The following DLGAP1 variants were observed in gnomAD, a reference collection of about 807,000 sequenced individuals.
DLGAP1 encodes disks large-associated protein 1.
In DLGAP1, 11 loss-of-function variants were observed where a neutral mutation model predicts 90.8. The observed-to-expected ratio is 0.12, with a 90% CI of 0.08 to 0.20. The LOEUF is 0.20. Among genes scored for constraint, DLGAP1 ranks in the 10% least tolerant of loss-of-function variants. The pLI, the probability that DLGAP1 is intolerant of heterozygous loss-of-function variation, is 1.00. For missense variants in DLGAP1, 1,050 were observed against 1,333.8 expected, an observed-to-expected ratio of 0.79 and a Z score of 3.31; for synonymous variants, 558 against 540.7, an observed-to-expected ratio of 1.03 and a Z score of -0.44.
intron 7 of DLGAP1, among the ~76,000 whole-genome samples, chr18:3,659,634 C>T (rs1172046600): frequency 6.6e-6 from 1 of 151,494 alleles, no homozygotes; most frequent in Non-Finnish European, 1.5e-5. Flanking sequence ...GGTGCAATCT[C>T]GGCTCACTGC....
chr18:4,410,677 TC>T, intron 1 of DLGAP1, among the ~76,000 whole-genome samples: 1 of 110,052 alleles, frequency 9.1e-6, no homozygotes, highest in Middle Eastern at 4.9e-3. Context: ...GACATACAAT[TC>T]CCCCCAAATA....
intron 7 of DLGAP1, among the ~76,000 whole-genome samples, chr18:3,706,767 C>A (rs1191185152): frequency 2.0e-5 from 3 of 151,664 alleles, no homozygotes; most frequent in African/African-American, 7.3e-5. Flanking sequence ...GCGACTCCAG[C>A]CAGAAGGGTA....
At chr18:4,203,811 C>T (rs1213842206) in intron 1 of DLGAP1, among the ~76,000 whole-genome samples, 1 of 152,186 alleles carries the variant, frequency 6.6e-6, no homozygotes, top group East Asian at 1.9e-4. Context: ...AATTACAGCA[C>T]AACTCAGTAA....
chr18:3,634,499 T>C (rs1343844959), intron 7 of DLGAP1, among the ~76,000 whole-genome samples: 1 of 152,212 alleles, frequency 6.6e-6, no homozygotes, highest in Non-Finnish European at 1.5e-5. Context: ...TTTGATTCTC[T>C]TCTTCAAGTT....
intron 1 of DLGAP1, among the ~76,000 whole-genome samples, chr18:4,427,092 A>T (rs897605732): frequency 2.0e-5 from 3 of 152,202 alleles, no homozygotes; most frequent in Non-Finnish European, 4.4e-5. Flanking sequence ...ACTAAGAAAG[A>T]AAACTTTCAG....
At chr18:3,970,152 T>C (rs1221733513) in intron 3 of DLGAP1, among the ~76,000 whole-genome samples, 1 of 152,246 alleles carries the variant, frequency 6.6e-6, no homozygotes, top group Non-Finnish European at 1.5e-5. Flanking sequence ...TTGACTACCA[T>C]TGTACTCCTG....
intron 1 of DLGAP1, among the ~76,000 whole-genome samples, chr18:4,303,059 G>T (rs911413892): frequency 1.3e-5 from 2 of 152,060 alleles, no homozygotes; most frequent in Non-Finnish European, 2.9e-5. Flanking sequence ...ACTTAAGCTG[G>T]AACTTTCCCT....
chr18:4,445,602 C>T (rs1026087298), intron 1 of DLGAP1, among the ~76,000 whole-genome samples: 5 of 151,982 alleles, frequency 3.3e-5, no homozygotes, highest in African/African-American at 1.2e-4. Context: ...CCAATTTCAT[C>T]CATGCCAATC....
At chr18:3,746,983 C>T (rs543186538) in intron 5 of DLGAP1, among the ~76,000 whole-genome samples, 2 of 152,264 alleles carry the variant, frequency 1.3e-5, no homozygotes, top group Non-Finnish European at 2.9e-5. Context: ...TTTGCAGCTG[C>T]ACTGAGGGAG....
chr18:4,014,075 C>T (rs2074477624), intron 2 of DLGAP1: 1 of 143,918 alleles, frequency 6.9e-6, no homozygotes, highest in African/African-American at 2.6e-5. Flanking sequence ...TTGGAAGATA[C>T]TTAGCCCACT....
chr18:3,579,595 G>A (rs1178475559), intron 8 of DLGAP1, among the ~76,000 whole-genome samples: 1 of 152,152 alleles, frequency 6.6e-6, no homozygotes, highest in Non-Finnish European at 1.5e-5. Context: ...TATTCAAAGG[G>A]TACCCGCAGA....
At chr18:3,502,833 C>G (rs1378108017) in intron 11 of DLGAP1, among the ~76,000 whole-genome samples, 188 bp from the exon 12 acceptor site, 1 of 152,140 alleles carries the variant, frequency 6.6e-6, no homozygotes, top group Admixed American at 6.5e-5. Context: ...CAGTGATTCT[C>G]AAATGTCAAG....
chr18:4,078,057 GT>G (rs927462667), intron 2 of DLGAP1, among the ~76,000 whole-genome samples: 1 of 152,116 alleles, frequency 6.6e-6, no homozygotes, highest in Non-Finnish European at 1.5e-5. Flanking sequence ...AAGGTTAAGA[GT>G]TTTTTTCTAT....
chr18:4,246,061 T>C (rs2078647131), intron 1 of DLGAP1, among the ~76,000 whole-genome samples: 1 of 152,212 alleles, frequency 6.6e-6, no homozygotes, highest in South Asian at 2.1e-4. Flanking sequence ...CGTCTTCATC[T>C]TATTATCACT....
rs1187853253 is a variant in DLGAP1 at position 4,342,668 on chromosome 18, C to T, written c.-267+112338G>A. Among the ~76,000 whole-genome samples the T allele has an allele frequency of 6.6e-6, 1 of 152,156 alleles. No individual in the cohort carries two copies. The highest frequency in any genetic ancestry group is 2.4e-5 in the African/African-American group (1 of 41,434). On this transcript the variant is annotated intron_variant, in intron 1 of 12. Coordinates refer to ENST00000315677, the MANE Select transcript of DLGAP1 (RefSeq NM_004746.4). The surrounding 1 kb of genome is among the most constrained non-coding windows in gnomAD (Gnocchi z 5.8). The stretch of plus-strand genomic sequence containing the variant: ...GTATTTGTTTTGGTTTTGGTTAATA[C>T]TACATTTGCCACAAATCTGCAGATG...
At chr18:3,667,898 T>C (rs2059937761) in intron 7 of DLGAP1, among the ~76,000 whole-genome samples, 1 of 152,168 alleles carries the variant, frequency 6.6e-6, no homozygotes, top group African/African-American at 2.4e-5. Context: ...ATAAGAGGCT[T>C]ATTTCTAAAC....
chr18:3,713,730 A>C (rs1268060948), intron 7 of DLGAP1, among the ~76,000 whole-genome samples: 2 of 151,876 alleles, frequency 1.3e-5, no homozygotes, highest in African/African-American at 4.9e-5. Context: ...GAAGCGTGAC[A>C]CTTGTGTGAT....
At chr18:4,322,796 C>T (rs528456552) in intron 1 of DLGAP1, among the ~76,000 whole-genome samples, 3 of 151,768 alleles carry the variant, frequency 2.0e-5, no homozygotes, top group African/African-American at 7.3e-5. Flanking sequence ...TCCGTCTCTA[C>T]GAAAAAATAC....
chr18:3,945,202 T>C (rs1189797375), intron 3 of DLGAP1, among the ~76,000 whole-genome samples: 1 of 152,154 alleles, frequency 6.6e-6, no homozygotes, highest in East Asian at 1.9e-4. Context: ...ATTTAAAGAG[T>C]TAACACATAT....
Sources: allele counts gnomAD v4.1 joint callset (sites outside exome capture counted in the v4.1 genomes callset), GRCh38; gene constraint gnomAD v4.1.1; non-coding constraint Gnocchi (gnomAD v3.1); transcripts MANE v1.5; gene names NCBI Gene and HGNC (gene_info 2026-07-23, HGNC 2026-07-21).